The following MACROD2 variants were observed in gnomAD, a reference collection of about 807,000 sequenced individuals.
The protein encoded by MACROD2 is mono-ADP ribosylhydrolase 2.
MACROD2 carries 36 observed loss-of-function variants against 70.4 expected under a neutral mutation model. That is an observed-to-expected ratio of 0.51 (90% CI 0.39 to 0.68). The LOEUF is 0.68. Among genes scored for constraint, MACROD2 ranks in the 30% least tolerant of loss-of-function variants. MACROD2 has a pLI of 0.00. For missense variants in MACROD2, 496 were observed against 538.4 expected (o/e 0.92, Z 0.78); for synonymous variants, 172 against 178.8 (o/e 0.96, Z 0.30).
At chr20:15,127,856 T>C (rs1325830985) in intron 5 of MACROD2, among the ~76,000 whole-genome samples, 1 of 151,974 alleles carries the variant, frequency 6.6e-6, no homozygotes, top group African/African-American at 2.4e-5. Context: ...TTACAGAGGG[T>C]GGGGATAATT....
intron 8 of MACROD2, among the ~76,000 whole-genome samples, chr20:15,694,448 G>T (rs947434636): frequency 1.3e-5 from 2 of 152,084 alleles, no homozygotes; most frequent in African/African-American, 2.4e-5. Flanking sequence ...GTTTTGATTT[G>T]CATTTCTCTG....
At chr20:14,230,669 CTATA>C (rs71190120) in intron 3 of MACROD2, among the ~76,000 whole-genome samples, 3,907 of 92,746 alleles carry the variant, frequency 0.042, 462 homozygotes, top group African/African-American at 0.059. Context: ...CAGGCTGGGC[CTATA>C]TATATATATA....
intron 3 of MACROD2, among the ~76,000 whole-genome samples, chr20:14,140,097 G>A (rs2054850261): frequency 6.6e-6 from 1 of 152,244 alleles, no homozygotes; most frequent in Non-Finnish European, 1.5e-5. Flanking sequence ...TTGGATAAGG[G>A]ATACTCAACC....
At chr20:15,804,940 C>G (rs1000548647) in intron 8 of MACROD2, among the ~76,000 whole-genome samples, 1 of 152,168 alleles carries the variant, frequency 6.6e-6, no homozygotes, top group East Asian at 1.9e-4. Flanking sequence ...AGTGAGATAA[C>G]GCCAAGATAT....
intron 8 of MACROD2, among the ~76,000 whole-genome samples, chr20:15,717,758 T>G (rs1156510648): frequency 6.6e-6 from 1 of 152,066 alleles, no homozygotes; most frequent in African/African-American, 2.4e-5. Context: ...GAACAGCTAC[T>G]TTGGTGGAAT....
chr20:15,132,215 G>GT (rs2076111597), intron 5 of MACROD2, among the ~76,000 whole-genome samples: 1 of 151,800 alleles, frequency 6.6e-6, no homozygotes, highest in Non-Finnish European at 1.5e-5. Context: ...CTAAAATGAA[G>GT]TAAAATAAAA....
chr20:14,982,382 G>A (rs1488711446), intron 5 of MACROD2, among the ~76,000 whole-genome samples: 1 of 152,188 alleles, frequency 6.6e-6, no homozygotes, highest in Non-Finnish European at 1.5e-5. Flanking sequence ...TAAGTAATGA[G>A]GAGCTGAATG....
At chr20:15,741,033 C>T (rs558678234) in intron 8 of MACROD2, among the ~76,000 whole-genome samples, 2 of 151,888 alleles carry the variant, frequency 1.3e-5, no homozygotes, top group South Asian at 4.2e-4. Context: ...TCACACCTCA[C>T]TCAAAATAAA....
At chr20:14,357,776 A>G (rs539628073) in intron 3 of MACROD2, among the ~76,000 whole-genome samples, 2 of 152,340 alleles carry the variant, frequency 1.3e-5, no homozygotes, top group South Asian at 4.1e-4. Flanking sequence ...ATCTGTCAAG[A>G]AGGACAGGCA....
intron 16 of MACROD2, 109 bp from the exon 17 acceptor site, chr20:16,044,462 G>T: frequency 1.1e-6 from 1 of 870,418 alleles, no homozygotes; most frequent in Admixed American, 2.5e-5. Context: ...AAATGGAAAA[G>T]AGGCATCAAA....
chr20:16,016,185 T>G (rs2066926248), intron 15 of MACROD2, among the ~76,000 whole-genome samples: 1 of 152,224 alleles, frequency 6.6e-6, no homozygotes, highest in Non-Finnish European at 1.5e-5. Context: ...ACTATCAGGT[T>G]ACTTGATTTG....
intron 8 of MACROD2, among the ~76,000 whole-genome samples, chr20:15,621,127 G>T (rs945227100): frequency 6.6e-6 from 1 of 152,144 alleles, no homozygotes; most frequent in African/African-American, 2.4e-5. Flanking sequence ...TAAAAGTCAA[G>T]GTGGATGTTG....
intron 3 of MACROD2, among the ~76,000 whole-genome samples, chr20:14,378,560 A>T (rs2083394060): frequency 6.6e-6 from 1 of 152,060 alleles, no homozygotes; most frequent in Admixed American, 6.6e-5. Context: ...TCCCAAGAGC[A>T]CTCTCTGATT....
At chr20:15,690,793 A>G (rs1240234897) in intron 8 of MACROD2, among the ~76,000 whole-genome samples, 1 of 152,188 alleles carries the variant, frequency 6.6e-6, no homozygotes, top group Non-Finnish European at 1.5e-5. Flanking sequence ...TGACCAACCA[A>G]GACTCCATCT....
At chr20:14,434,141 A>G (rs1177276515) in intron 3 of MACROD2, among the ~76,000 whole-genome samples, 1 of 152,206 alleles carries the variant, frequency 6.6e-6, no homozygotes, top group African/African-American at 2.4e-5. Flanking sequence ...TGATTGACTT[A>G]GCTGAAAGAT....
rs555911584 is a variant in MACROD2, at chr20:14,120,947, A to G, written c.271+35219A>G. 1.0e-3 allele frequency among the ~76,000 whole-genome samples: 153 copies of G among 151,700 alleles called. 4 individuals carry two copies. The highest frequency in any genetic ancestry group is 1.0e-2 in the Admixed American group (152 of 15,214). On this transcript the variant is annotated intron_variant, in intron 3 of 17. Transcript: ENST00000684519. ...GGGAGGGAACTTAGAGGATGGGTCA[A>G]TAGGTGCGACAAACCATCATTACAC...
intron 2 of MACROD2, among the ~76,000 whole-genome samples, chr20:14,002,796 G>C (rs1335227053): frequency 6.6e-6 from 1 of 152,090 alleles, no homozygotes; most frequent in South Asian, 2.1e-4. Flanking sequence ...AGCTGAAAGA[G>C]AGAGTATATT....
chr20:15,159,656 AT>A (rs952533095), intron 5 of MACROD2, among the ~76,000 whole-genome samples: 17 of 151,446 alleles, frequency 1.1e-4, no homozygotes, highest in African/African-American at 3.4e-4. Context: ...TGGGAGAATG[AT>A]TTTTTTTCCT....
intron 6 of MACROD2, among the ~76,000 whole-genome samples, chr20:15,316,068 A>T (rs1447959553): frequency 6.6e-6 from 1 of 151,902 alleles, no homozygotes; most frequent in Non-Finnish European, 1.5e-5. Context: ...AAAACACACA[A>T]AAAGAAATAA....
Sources: allele counts gnomAD v4.1 joint callset (sites outside exome capture counted in the v4.1 genomes callset), GRCh38; gene constraint gnomAD v4.1.1; transcripts MANE v1.5; gene names NCBI Gene and HGNC (gene_info 2026-07-23, HGNC 2026-07-21).